Variants in TTLL7 observed in about 807,000 individuals in gnomAD.
The protein encoded by TTLL7 is tubulin tyrosine ligase like 7.
Under a neutral mutation model 120.2 loss-of-function variants are expected in TTLL7, and 53 were observed. That is an observed-to-expected ratio of 0.44 (90% CI 0.35 to 0.55). TTLL7 has a LOEUF of 0.55. Among genes scored for constraint, TTLL7 ranks in the 20% least tolerant of loss-of-function variants. TTLL7 has a pLI of 0.00. For synonymous variants in TTLL7, 353 were observed against 351.7 expected (o/e 1.00, Z -0.04); for missense variants, 803 against 1,054.7 (o/e 0.76, Z 3.31).
chr1:83,934,052 C>A (rs1647198884), intron 8 of TTLL7, among the ~76,000 whole-genome samples: 1 of 152,150 alleles, frequency 6.6e-6, no homozygotes, highest in African/African-American at 2.4e-5. Flanking sequence ...CCAAGTCTGG[C>A]TCTTAGACAT....
At chr1:83,974,663 G>A (rs917143460) in intron 1 of TTLL7, among the ~76,000 whole-genome samples, 1 of 151,834 alleles carries the variant, frequency 6.6e-6, no homozygotes, top group Non-Finnish European at 1.5e-5. Flanking sequence ...TCACTTTTTG[G>A]TACCATACAG....
At chr1:83,873,986 T>C (rs1217694797) in intron 20 of TTLL7, among the ~76,000 whole-genome samples, 1 of 152,132 alleles carries the variant, frequency 6.6e-6, no homozygotes, top group African/African-American at 2.4e-5. Flanking sequence ...AACATGAGTG[T>C]ACTATTAAAT....
chr1:83,871,864 T>C (rs1302291564), intron 20 of TTLL7, among the ~76,000 whole-genome samples: 1 of 146,408 alleles, frequency 6.8e-6, no homozygotes, highest in African/African-American at 2.6e-5. Flanking sequence ...GCCACTGCAC[T>C]TGAGCCTGGG....
At chr1:83,948,184 A>C (rs925059170) in intron 5 of TTLL7, among the ~76,000 whole-genome samples, 4 of 147,368 alleles carry the variant, frequency 2.7e-5, no homozygotes, top group Admixed American at 6.8e-5. Context: ...GACACACACA[A>C]ACACACACAC....
intron 20 of TTLL7, among the ~76,000 whole-genome samples, chr1:83,881,424 A>G (rs868813597): frequency 0.039 from 5,765 of 148,378 alleles, 84 homozygotes; most frequent in Middle Eastern, 0.085. Flanking sequence ...AAAAGTGGGC[A>G]AAGGACATGA....
At position 83,987,850 on chromosome 1, in the gene TTLL7, T is replaced by A. The variant is rs61202975; in HGVS notation, c.-177+11081A>T. Among the ~76,000 whole-genome samples, 1,069 of 152,074 alleles carry A rather than the reference T, an allele frequency of 7.0e-3. 36 individuals carry two copies. The highest frequency in any genetic ancestry group is 0.066 in the East Asian group (342 of 5,168). ...AGAACTACAACTCAACAAGAAAAAA[T>A]CAAATAACCCTATTTGTTTATTTAT... On this transcript the variant is annotated intron_variant, in intron 1 of 20. Coordinates refer to ENST00000260505, the MANE Select transcript of TTLL7 (RefSeq NM_024686.6).
chr1:83,962,667 C>T (rs972033539), intron 1 of TTLL7, among the ~76,000 whole-genome samples: 16 of 152,102 alleles, frequency 1.1e-4, no homozygotes, highest in Non-Finnish European at 2.1e-4. Context: ...TACAGGTATA[C>T]GTGGCCTGGC....
In TTLL7 at chr1:83,919,847, C is replaced by A; in HGVS notation, c.1365-13G>T. The A allele has an allele frequency of 6.2e-7, 1 of 1,605,410 alleles. No homozygotes were observed. Among genetic ancestry groups the A allele is most frequent in the Non-Finnish European group, 8.5e-7 (1 of 1,176,808 alleles). On this transcript the variant is annotated splice_polypyrimidine_tract_variant and intron_variant, in intron 12 of 20. Transcript: ENST00000260505. ...AGGATAAATTCGTCTACAACAAAAT[C>A]AGATAAACCAATTTTTTAAAAAGAA... is the stretch of plus-strand genomic sequence containing the variant.
At chr1:83,963,565 A>C (rs1650195637) in intron 1 of TTLL7, among the ~76,000 whole-genome samples, 1 of 152,156 alleles carries the variant, frequency 6.6e-6, no homozygotes, top group African/African-American at 2.4e-5. Context: ...AAATAAAGAA[A>C]ATTACTTCAA....
chr1:83,978,926 A>G (rs1047562104), intron 1 of TTLL7, among the ~76,000 whole-genome samples: 4 of 152,202 alleles, frequency 2.6e-5, no homozygotes, highest in Admixed American at 1.3e-4. Context: ...TTCAACACAT[A>G]TTAAAAGTAC....
intron 1 of TTLL7, among the ~76,000 whole-genome samples, chr1:83,954,981 A>G (rs1470706297): frequency 1.3e-5 from 2 of 152,202 alleles, no homozygotes; most frequent in Non-Finnish European, 2.9e-5. Context: ...GCAAATGTTA[A>G]CCTTGAACAT....
intron 1 of TTLL7, chr1:83,979,926 A>AT (rs990205009): frequency 2.6e-5 from 4 of 152,246 alleles, no homozygotes; most frequent in Admixed American, 2.0e-4. Flanking sequence ...GACTCGAAAG[A>AT]TTTTTTAAAA....
At chr1:83,892,839 C>CGCATATGTGAACATATATATGAAA (rs1443521477) in intron 18 of TTLL7, among the ~76,000 whole-genome samples, 1 of 146,472 alleles carries the variant, frequency 6.8e-6, no homozygotes, top group Non-Finnish European at 1.5e-5. Context: ...TATATATGAA[C>CGCATATGTGAACATATATATGAAA]ACATATATGA....
In TTLL7 at chr1:83,929,200, G is replaced by C. The variant is rs759276729; in HGVS notation, c.1078C>G (p.Gln360Glu). 5 of 1,611,620 alleles carry C rather than the reference G, an allele frequency of 3.1e-6. No individual in the cohort carries two copies. The Admixed American group carries it at 6.7e-5, about 22-fold the overall frequency. The change falls in exon 10 of 21, where the codon CAG (glutamine) becomes GAG (glutamate). Residue 360 changes from glutamine (Q) to glutamate (E), a missense_variant. By Grantham distance (29) the Gln-to-Glu change is conservative. Around this residue, in one of 3 missense-constraint regions of TTLL7, gnomAD observed 324 missense variants for 507.7 expected, o/e 0.64. Transcript: ENST00000260505. ...INRAPSFGTD[Q>E]KIDYDVKRGV... ...CTTTTTACATCATAGTCTATTTTCT[G>C]ATCAGTTCCAAAGCTTGGGGCTCGG... is the stretch of plus-strand genomic sequence containing the variant.
At chr1:83,995,822 T>C (rs1653428042) in intron 1 of TTLL7, among the ~76,000 whole-genome samples, 2 of 152,176 alleles carry the variant, frequency 1.3e-5, no homozygotes, top group Non-Finnish European at 2.9e-5. Context: ...ATCACAGTGC[T>C]ATTATTATCA....
At chr1:83,939,573 T>A (rs539010427) in intron 7 of TTLL7, among the ~76,000 whole-genome samples, 1 of 152,274 alleles carries the variant, frequency 6.6e-6, no homozygotes, top group South Asian at 2.1e-4. Flanking sequence ...ATGAACCATA[T>A]AGCAATCTGC....
chr1:83,974,935 G>A (rs1013573950), intron 1 of TTLL7, among the ~76,000 whole-genome samples: 1 of 151,962 alleles, frequency 6.6e-6, no homozygotes, highest in South Asian at 2.1e-4. Context: ...CTTAGCTCCT[G>A]ATGATAAAAA....
At chr1:83,906,648 G>C in intron 16 of TTLL7, 185 bp from the exon 17 acceptor site, 1 of 707,034 alleles carries the variant, frequency 1.4e-6, no homozygotes, top group Non-Finnish European at 2.3e-6. Context: ...TCCCAAGAGT[G>C]TCTTTCACAC....
intron 13 of TTLL7, among the ~76,000 whole-genome samples, 170 bp downstream of exon 13, chr1:83,919,529 G>A (rs1431746873): frequency 6.6e-6 from 1 of 152,080 alleles, no homozygotes; most frequent in East Asian, 1.9e-4. Flanking sequence ...GATATCTTAT[G>A]AAGTAAGTTG....
Sources: allele counts gnomAD v4.1 joint callset (sites outside exome capture counted in the v4.1 genomes callset), GRCh38; gene constraint gnomAD v4.1.1; regional missense constraint gnomAD v4.1.1; transcripts MANE v1.5; gene names NCBI Gene and HGNC (gene_info 2026-07-23, HGNC 2026-07-21).